The following RADIL variants were observed in gnomAD, a reference collection of about 807,000 sequenced individuals.
The protein encoded by RADIL is Rap associating with DIL domain.
Under a neutral mutation model 97.6 loss-of-function variants are expected in RADIL, and 99 were observed. The observed-to-expected ratio is 1.01, with a 90% confidence interval of 0.86 to 1.20. The LOEUF (loss-of-function observed/expected upper bound fraction) is 1.20, where lower values mean the gene tolerates loss of function less well. RADIL is among the 50% of genes most tolerant of loss of function. The pLI, the probability that RADIL is intolerant of heterozygous loss-of-function variation, is 0.00. For missense variants in RADIL, 1,765 were observed against 1,498.9 expected, an observed-to-expected ratio of 1.18 and a Z score of -2.93; for synonymous variants, 803 against 691.8, an observed-to-expected ratio of 1.16 and a Z score of -2.52.
rs1210280481 is a variant in RADIL, at chr7:4,798,361, C to T, written c.*1017G>A. 1 of 152,226 alleles carries T rather than the reference C, an allele frequency of 6.6e-6. No homozygotes were observed. The highest frequency in any genetic ancestry group is 1.5e-5 in the Non-Finnish European group (1 of 68,060). The allele number at this position is 152,226 out of a possible 1,614,324, so 9.4% of individuals were successfully genotyped here. A position where few individuals can be genotyped will look rare whatever the true frequency, so the allele number is the denominator to read the frequency against. ...CACCGATCTGGGGACCCCGCACAGA[C>T]CTCTGTCCCAGTGAGAGGTGCATCT... On this transcript the variant is annotated 3_prime_UTR_variant, in exon 15 of 15. Coordinates refer to ENST00000399583, the MANE Select transcript of RADIL (RefSeq NM_018059.5).
chr7:4,800,300 T>C lies in RADIL; in HGVS notation c.2853A>G (p.Ala951=). The change falls in exon 13 of 15, where the codon GCA becomes GCG. Residue 951 remains alanine (A), a synonymous_variant. Transcript: ENST00000399583. ...LRGAAPEGDS[A]ALAEESPPAP... The stretch of plus-strand genomic sequence containing the variant: ...CTGGAGGGGACTCCTCCGCAAGGGC[T>C]GCAGAGTCTCCTGGGTGGGGGCCAG... 1.4e-6 allele frequency: 2 copies of C among 1,472,828 alleles called. No individual in the cohort carries two copies. Among genetic ancestry groups the C allele is most frequent in the South Asian group, 2.8e-5 (2 of 70,582 alleles). The allele number at this position is 1,472,828 out of a possible 1,614,324, so 91.2% of individuals were successfully genotyped here. A position where few individuals can be genotyped will look rare whatever the true frequency, so the allele number is the denominator to read the frequency against.
intron 1 of RADIL, among the ~76,000 whole-genome samples, chr7:4,881,943 C>A (rs1196061100): frequency 1.3e-5 from 2 of 151,824 alleles, no homozygotes; most frequent in East Asian, 1.9e-4. Context: ...TTGTTCCCCC[C>A]ACTTCCCCCC....
intron 2 of RADIL, among the ~76,000 whole-genome samples, chr7:4,875,191 CCAACAACAACAACAACAACAACAACAA>C (rs145735931): frequency 9.1e-6 from 1 of 110,156 alleles, no homozygotes; most frequent in Non-Finnish European, 1.7e-5. Context: ...GACTCCATCT[CCAACAACAACAACAACAACAACAACAA>C]CAACAACAAC....
Position 4,800,270 on chromosome 7 carries a change from C to G in RADIL, c.2883G>C (p.Pro961=), listed in dbSNP as rs939694447. 10 of 1,538,072 alleles carry G rather than the reference C, an allele frequency of 6.5e-6. No individual in the cohort carries two copies. In the African/African-American group the frequency reaches 1.4e-4, roughly 21 times the overall value. The change falls in exon 13 of 15, where the codon CCG becomes CCC. Residue 961 remains proline, a synonymous_variant. Coordinates refer to ENST00000399583, the MANE Select transcript of RADIL (RefSeq NM_018059.5). ...CCTCGGTGCTGGAGCTGCGGCTGGA[C>G]GGGGCTGGAGGGGACTCCTCCGCAA... is the stretch of plus-strand genomic sequence containing the variant. ...AALAEESPPA[P]SSRSSSTEDF...
Position 4,842,962 on chromosome 7 carries a change from C to G in RADIL, c.536-6357G>C, listed in dbSNP as rs115509398. Among the ~76,000 whole-genome samples, 346 of 151,446 alleles carry G rather than the reference C, an allele frequency of 2.3e-3. 1 individual carries two copies. The highest frequency in any genetic ancestry group is 7.8e-3 in the African/African-American group (321 of 41,236). On this transcript the variant is annotated intron_variant, in intron 2 of 14. Transcript: ENST00000399583. This position sits in a 1 kb window ranked among gnomAD's most constrained non-coding sequence, Gnocchi z 4.5. ...TTCTGGCCTCAGGGCCTCAGAATAG[C>G]TGGGACTATAGGTGCGCACCCCCAT...
At chr7:4,806,489 G>C (rs528923857) in intron 9 of RADIL, among the ~76,000 whole-genome samples, 1 of 152,274 alleles carries the variant, frequency 6.6e-6, no homozygotes, top group South Asian at 2.1e-4. Context: ...CTCCGGCCCA[G>C]GAAAACGTTT....
rs1411516297 is a variant in RADIL at position 4,873,136 on chromosome 7, T to A, written c.535+4469A>T. On this transcript the variant is annotated intron_variant, in intron 2 of 14. Transcript: ENST00000399583. The surrounding 1 kb of genome is among the most constrained non-coding windows in gnomAD (Gnocchi z 4.3). ...TCAGTAGAGACGGGGTTTCACCATG[T>A]TGGTCAGACTGGTCTTGAACTCCTG... is the stretch of plus-strand genomic sequence containing the variant. Among the ~76,000 whole-genome samples, 4 of 152,162 alleles carry A rather than the reference T, an allele frequency of 2.6e-5. No homozygotes were observed. The highest frequency in any genetic ancestry group is 4.4e-5 in the Non-Finnish European group (3 of 68,032).
chr7:4,837,596 A>T lies in RADIL; in HGVS notation c.536-991T>A, dbSNP rs918473794. 6.6e-6 allele frequency among the ~76,000 whole-genome samples: 1 copy of T among 151,842 alleles called. No individual in the cohort carries two copies. The highest frequency in any genetic ancestry group is 1.5e-5 in the Non-Finnish European group (1 of 67,954). The stretch of plus-strand genomic sequence containing the variant: ...CCACAAATACACATGCACCCACACA[A>T]AAATGCACACACACATGCACACACA... On this transcript the variant is annotated intron_variant, in intron 2 of 14. Transcript: ENST00000399583. This position sits in a 1 kb window ranked among gnomAD's most constrained non-coding sequence, Gnocchi z 5.6.
chr7:4,799,701 G>A lies in RADIL; in HGVS notation c.3051C>T (p.Asp1017=), dbSNP rs570356244. The A allele has an allele frequency of 2.0e-5, 31 of 1,575,848 alleles. No homozygotes were observed. Among genetic ancestry groups the A allele is most frequent in the African/African-American group, 1.7e-4 (13 of 74,312 alleles). ...TLLPGSPAAA[D]GRLSLGDRIL... The stretch of plus-strand genomic sequence containing the variant: ...TACGGTCCCCCAGCGACAGGCGCCC[G>A]TCGGCCGCTGCGGGGCTGCCCGGGA... Residue 1017 remains aspartate, a synonymous_variant, in exon 14 of 15, where the codon GAC becomes GAT. Transcript: ENST00000399583.
intron 2 of RADIL, among the ~76,000 whole-genome samples, chr7:4,851,141 G>A (rs1460865419): frequency 6.6e-6 from 1 of 151,690 alleles, no homozygotes; most frequent in Non-Finnish European, 1.5e-5. Flanking sequence ...GGAGGTGGAA[G>A]TTGCAGTGAG....
At position 4,818,538 on chromosome 7, in the gene RADIL, C is replaced by T. The variant is rs562527081; in HGVS notation, c.1616-1187G>A. Among the ~76,000 whole-genome samples, 184 of 152,304 alleles carry T rather than the reference C, an allele frequency of 1.2e-3. No homozygotes were observed. The highest frequency in any genetic ancestry group is 4.2e-3 in the African/African-American group (174 of 41,576). The stretch of plus-strand genomic sequence containing the variant: ...CCAGGCAGGGCAGCTGGAGGGACCC[C>T]GGGGTCCGGGGCAGTAAGGGGCTCT... On this transcript the variant is annotated intron_variant, in intron 6 of 14. Coordinates refer to ENST00000399583, the MANE Select transcript of RADIL (RefSeq NM_018059.5). The surrounding 1 kb of genome is among the most constrained non-coding windows in gnomAD (Gnocchi z 7.1).
intron 11 of RADIL, among the ~76,000 whole-genome samples, chr7:4,802,370 G>T (rs1344291844): frequency 3.0e-5 from 4 of 132,798 alleles, no homozygotes; most frequent in Middle Eastern, 5.0e-3. Context: ...CTGGCTGGGG[G>T]GCCCCCTCCC....
rs1782871610 is a variant in RADIL at position 4,822,801 on chromosome 7, TA to T, written c.1455-248del. Among the ~76,000 whole-genome samples the T allele has an allele frequency of 6.6e-6, 1 of 152,082 alleles. No individual in the cohort carries two copies. Among genetic ancestry groups the T allele is most frequent in the Non-Finnish European group, 1.5e-5 (1 of 68,016 alleles). ...GACAGCTGGGCGCCACAGCCATTGG[TA>T]AAAAACCTCGGTAAGTAGATGGCTT... On this transcript the variant is annotated intron_variant, in intron 5 of 14. Coordinates refer to ENST00000399583, the MANE Select transcript of RADIL (RefSeq NM_018059.5). The surrounding 1 kb of genome is among the most constrained non-coding windows in gnomAD (Gnocchi z 5.3).
intron 1 of RADIL, among the ~76,000 whole-genome samples, chr7:4,882,881 G>A (rs943578471): frequency 6.6e-6 from 1 of 152,128 alleles, no homozygotes; most frequent in Non-Finnish European, 1.5e-5. Flanking sequence ...GTGCAATTCA[G>A]ATTAGCCAAA....
rs1194952393 is a variant in RADIL at position 4,836,549 on chromosome 7, G to A, written c.592C>T (p.Pro198Ser). 1 of 1,607,884 alleles carries A rather than the reference G, an allele frequency of 6.2e-7. No homozygotes were observed. Among genetic ancestry groups the A allele is most frequent in the East Asian group, 2.2e-5 (1 of 44,860 alleles). ...QRSRAKGTPT[P>S]ALGDARSSPP... ...GAGCTCCGGGCATCCCCCAGGGCCGGGGTCGGGGTTCCCTTCGCGCGACTC... is the reference window on the plus strand; with the variant it reads ...GAGCTCCGGGCATCCCCCAGGGCCGAGGTCGGGGTTCCCTTCGCGCGACTC... Residue 198 changes from proline (P) to serine (S), a missense_variant, in exon 3 of 15, where the codon CCG (proline) becomes TCG (serine). Pro to Ser is a moderately conservative substitution (Grantham distance 74, BLOSUM62 -1). Transcript: ENST00000399583.
Position 4,817,427 on chromosome 7 carries a change from C to A in RADIL, c.1616-76G>T. Reference sequence around the variant, plus strand: ...ACGCAGCAACTCAGCCAGCCGCCAGCTCTTTCCCTGGCGCGGGCACCACCC... The same window carrying A: ...ACGCAGCAACTCAGCCAGCCGCCAGATCTTTCCCTGGCGCGGGCACCACCC... On this transcript the variant is annotated intron_variant, in intron 6 of 14. Coordinates refer to ENST00000399583, the MANE Select transcript of RADIL (RefSeq NM_018059.5). This position sits in a 1 kb window ranked among gnomAD's most constrained non-coding sequence, Gnocchi z 8.3. The A allele has an allele frequency of 7.4e-7, 1 of 1,349,636 alleles. No individual in the cohort carries two copies. The highest frequency in any genetic ancestry group is 1.3e-5 in the South Asian group (1 of 76,162). The allele number at this position is 1,349,636 out of a possible 1,614,324, so 83.6% of individuals were successfully genotyped here.
At chr7:4,839,982 C>G (rs1783400959) in intron 2 of RADIL, among the ~76,000 whole-genome samples, 1 of 152,178 alleles carries the variant, frequency 6.6e-6, no homozygotes, top group Non-Finnish European at 1.5e-5. Context: ...CTCCTGACCT[C>G]AAGTGATCCG....
chr7:4,806,068 AAATC>A, intron 9 of RADIL: 3 of 985,290 alleles, frequency 3.0e-6, no homozygotes, highest in Non-Finnish European at 3.6e-6. Context: ...GGTGTGAAAG[AAATC>A]AATCAAGTCG....
At position 4,813,038 on chromosome 7, in the gene RADIL, A is replaced by C. The variant is rs906263513; in HGVS notation, c.2139+2240T>G. On this transcript the variant is annotated intron_variant, in intron 9 of 14. Transcript: ENST00000399583. The surrounding 1 kb of genome is among the most constrained non-coding windows in gnomAD (Gnocchi z 5.0). Reference sequence around the variant, plus strand: ...TTGGCAAGCTTTTGGTGAGGCTCAGACAGCCTCTGCTTCATCCTTACCCCA... The same window carrying C: ...TTGGCAAGCTTTTGGTGAGGCTCAGCCAGCCTCTGCTTCATCCTTACCCCA... Among the ~76,000 whole-genome samples, 22 of 152,032 alleles carry C rather than the reference A, an allele frequency of 1.4e-4. No homozygotes were observed. The highest frequency in any genetic ancestry group is 5.3e-4 in the African/African-American group (22 of 41,368).
Sources: gnomAD v4.1 joint callset for allele counts (sites outside exome capture counted in the v4.1 genomes callset) on GRCh38, gnomAD v4.1.1 for gene constraint, Gnocchi (gnomAD v3.1) non-coding constraint, MANE v1.5 for transcripts, NCBI Gene and HGNC (gene_info 2026-07-23, HGNC 2026-07-21) for gene names.